Variants in UVRAG observed in about 807,000 individuals in gnomAD.
UVRAG encodes UV radiation resistance-associated gene protein.
UVRAG carries 19 observed loss-of-function variants against 78.0 expected under a neutral mutation model. The ratio of observed to expected loss-of-function variants is 0.24; its 90% CI spans 0.17 to 0.36. UVRAG has a LOEUF of 0.36. Ranked by LOEUF, UVRAG falls within the 10% of genes least tolerant of loss-of-function variation. The pLI, the probability that UVRAG is intolerant of heterozygous loss-of-function variation, is 1.00. For synonymous variants in UVRAG, 323 were observed against 324.6 expected (o/e 1.00, Z 0.05); for missense variants, 740 against 853.8 (o/e 0.87, Z 1.66).
At chr11:76,025,116 A>G (rs572865910) in intron 12 of UVRAG, among the ~76,000 whole-genome samples, 2 of 152,244 alleles carry the variant, frequency 1.3e-5, no homozygotes, top group South Asian at 4.2e-4. Flanking sequence ...TGCCTTGTCT[A>G]AACCATTACT....
At chr11:75,863,587 A>G (rs1244417526) in intron 3 of UVRAG, among the ~76,000 whole-genome samples, 1 of 152,196 alleles carries the variant, frequency 6.6e-6, no homozygotes, top group East Asian at 1.9e-4. Flanking sequence ...TCCCAAATCC[A>G]TATTTCTAAA....
At chr11:75,914,382 C>T (rs1205025003) in intron 6 of UVRAG, 1 of 152,146 alleles carries the variant, frequency 6.6e-6, no homozygotes, top group East Asian at 1.9e-4. Flanking sequence ...TATAAAATTG[C>T]TGTTACTTGA....
intron 11 of UVRAG, among the ~76,000 whole-genome samples, chr11:76,015,365 TTAAC>T (rs913495093): frequency 1.3e-5 from 2 of 152,080 alleles, no homozygotes; most frequent in African/African-American, 4.8e-5. Flanking sequence ...ATATTAATGT[TTAAC>T]AATAAATTTA....
intron 7 of UVRAG, 62 bp from the exon 8 acceptor site, chr11:75,983,325 T>C: frequency 7.1e-7 from 1 of 1,400,510 alleles, no homozygotes; most frequent in South Asian, 1.5e-5. Context: ...ATTGTGAGTA[T>C]GTAATTATTC....
chr11:76,048,595 CTT>C (rs1051651526), intron 12 of UVRAG, among the ~76,000 whole-genome samples: 4 of 152,150 alleles, frequency 2.6e-5, no homozygotes, highest in African/African-American at 9.7e-5. Context: ...TCTAAATTGT[CTT>C]TTTGTGCTCT....
intron 14 of UVRAG, among the ~76,000 whole-genome samples, chr11:76,137,943 G>A (rs534314593): frequency 1.3e-5 from 2 of 152,122 alleles, no homozygotes; most frequent in East Asian, 3.9e-4. Flanking sequence ...AATAAAAAGA[G>A]AGAGAACCTT....
At chr11:75,983,653 C>T in intron 8 of UVRAG, 140 bp downstream of exon 8, 1 of 1,177,702 alleles carries the variant, frequency 8.5e-7, no homozygotes, top group Non-Finnish European at 1.1e-6. Context: ...TCTGGAAATG[C>T]ATCCTTTGGT....
At position 75,815,455 on chromosome 11, in the gene UVRAG, G is replaced by C. The variant is rs977342699; in HGVS notation, c.48G>C (p.Pro16=). Residue 16 remains proline, a synonymous_variant, in exon 1 of 15, where the codon CCG becomes CCC. Coordinates refer to ENST00000356136, the MANE Select transcript of UVRAG (RefSeq NM_003369.4). The stretch of plus-strand genomic sequence containing the variant: ...GGGGCCCCGTCCCCCAGCCACCCCC[G>C]GGCCCGGCCGCTGCTCTGCCTCCCG... ...SVGGPVPQPP[P]GPAAALPPGS... is the part of the protein sequence containing the mutation. 3 of 1,248,466 alleles carry C rather than the reference G, an allele frequency of 2.4e-6. No individual in the cohort carries two copies. The highest frequency in any genetic ancestry group is 2.0e-6 in the Non-Finnish European group (2 of 995,938). The allele number at this position is 1,248,466 out of a possible 1,614,324, so 77.3% of individuals were successfully genotyped here.
intron 12 of UVRAG, among the ~76,000 whole-genome samples, chr11:76,043,357 A>T (rs1316201202): frequency 6.6e-6 from 1 of 152,238 alleles, no homozygotes; most frequent in Non-Finnish European, 1.5e-5. Flanking sequence ...AATGAATCAA[A>T]AGCCAATTTG....
At chr11:76,098,924 C>T (rs116338081) in intron 13 of UVRAG, among the ~76,000 whole-genome samples, 113 of 152,266 alleles carry the variant, frequency 7.4e-4, no homozygotes, top group African/African-American at 2.7e-3. Context: ...AATGGTTCCT[C>T]AGCCAGTCCA....
chr11:76,064,512 A>C (rs1951151779), intron 12 of UVRAG, among the ~76,000 whole-genome samples: 1 of 152,160 alleles, frequency 6.6e-6, no homozygotes, highest in East Asian at 1.9e-4. Context: ...GTTTCAATTA[A>C]ATATGAAGCT....
Position 76,143,085 on chromosome 11 carries a change from GTGTACTGTC to G in UVRAG, c.*1676_*1684del, listed in dbSNP as rs1325721518. The G allele has an allele frequency of 6.6e-6, 1 of 152,258 alleles. No homozygotes were observed. Among genetic ancestry groups the G allele is most frequent in the Non-Finnish European group, 1.5e-5 (1 of 68,052 alleles). The allele number at this position is 152,258 out of a possible 1,614,324, so 9.4% of individuals were successfully genotyped here. The stretch of plus-strand genomic sequence containing the variant: ...CACCTAGAGCAGGAGCTTCTCTGCA[GTGTACTGTC>G]TGTCGCTCATTTTGGAGTCAGTGTG... On this transcript the variant is annotated 3_prime_UTR_variant, in exon 15 of 15. Coordinates refer to ENST00000356136, the MANE Select transcript of UVRAG (RefSeq NM_003369.4).
intron 14 of UVRAG, among the ~76,000 whole-genome samples, chr11:76,122,344 G>A (rs1297205532): frequency 6.6e-6 from 1 of 152,220 alleles, no homozygotes; most frequent in South Asian, 2.1e-4. Context: ...GCCCAGTTAG[G>A]TGGAAAGACT....
rs1184489307 is a variant in UVRAG at position 76,140,753 on chromosome 11, A to G, written c.1440A>G (p.Arg480=). Residue 480 remains arginine, a synonymous_variant, in exon 15 of 15, where the codon AGA becomes AGG. Transcript: ENST00000356136. ...CCAGTGCAATCCCTGTTCCTAAGAG[A>G]CAAAGCTCCATATTTGGGGGTGCAG... ...HTSSAIPVPK[R]QSSIFGGADV... 2 of 1,609,890 alleles carry G rather than the reference A, an allele frequency of 1.2e-6. No homozygotes were observed. The highest frequency in any genetic ancestry group is 1.7e-6 in the Non-Finnish European group (2 of 1,178,570).
rs147820292 is a variant in UVRAG, at chr11:76,135,176, C to T, written c.1398-5535C>T. Among the ~76,000 whole-genome samples, 11 of 152,272 alleles carry T rather than the reference C, an allele frequency of 7.2e-5. No individual in the cohort carries two copies. The East Asian group carries it at 1.5e-3, about 21-fold the overall frequency. On this transcript the variant is annotated intron_variant, in intron 14 of 14. Transcript: ENST00000356136. Reference sequence around the variant, plus strand: ...CTGGTGCCAAAAAGATTGAGGAGCACTGATATAACTAATAAACGAATGTAA... The same window carrying T: ...CTGGTGCCAAAAAGATTGAGGAGCATTGATATAACTAATAAACGAATGTAA...
At chr11:75,847,709 C>T (rs1020249999) in intron 1 of UVRAG, among the ~76,000 whole-genome samples, 12 of 152,182 alleles carry the variant, frequency 7.9e-5, no homozygotes, top group Non-Finnish European at 1.3e-4. Context: ...CGGTGGCTCA[C>T]GCCTGTAATC....
intron 10 of UVRAG, 100 bp downstream of exon 10, chr11:76,007,721 A>G (rs1407616712): frequency 4.5e-6 from 4 of 890,498 alleles, no homozygotes; most frequent in South Asian, 1.5e-5. Context: ...AGGCTTAATC[A>G]TATGCTCTGT....
At position 76,084,368 on chromosome 11, in the gene UVRAG, C is replaced by T. The variant is rs946737729; in HGVS notation, c.1305+18580C>T. 1.8e-4 allele frequency among the ~76,000 whole-genome samples: 27 copies of T among 152,116 alleles called. 1 individual carries two copies. In the South Asian group the frequency reaches 2.1e-3, roughly 12 times the overall value. On this transcript the variant is annotated intron_variant, in intron 13 of 14. Transcript: ENST00000356136. ...AATTTAAGAGTCCAAGAGAATGTAC[C>T]GCTTTTATTAATGGTCTAAGATCTT...
intron 14 of UVRAG, among the ~76,000 whole-genome samples, chr11:76,133,381 A>G (rs1952545554): frequency 6.6e-6 from 1 of 152,094 alleles, no homozygotes; most frequent in African/African-American, 2.4e-5. Flanking sequence ...TGGGAATCAC[A>G]TTTTGGACTG....
Sources: allele counts gnomAD v4.1 joint callset (sites outside exome capture counted in the v4.1 genomes callset), GRCh38; gene constraint gnomAD v4.1.1; transcripts MANE v1.5; gene names NCBI Gene and HGNC (gene_info 2026-07-23, HGNC 2026-07-21).